Variants in LRRC4C observed in about 807,000 individuals in gnomAD.
The protein encoded by LRRC4C is leucine-rich repeat-containing protein 4C.
LRRC4C carries 5 observed loss-of-function variants against 33.6 expected under a neutral mutation model. The observed-to-expected ratio is 0.15, with a 90% CI of 0.08 to 0.31. The LOEUF is 0.31. Ranked by LOEUF, LRRC4C falls within the 10% of genes least tolerant of loss-of-function variation. The pLI, the probability that LRRC4C is intolerant of heterozygous loss-of-function variation, is 1.00. For missense variants in LRRC4C, 560 were observed against 796.7 expected (o/e 0.70, Z 3.58); for synonymous variants, 329 against 302.0 (o/e 1.09, Z -0.93).
chr11:41,334,719 T>G (rs1336873993), intron 1 of LRRC4C, among the ~76,000 whole-genome samples: 3 of 152,084 alleles, frequency 2.0e-5, no homozygotes, highest in Non-Finnish European at 2.9e-5. Context: ...GGTGTGATGG[T>G]GCATTCCTGC....
At chr11:40,984,363 A>AGAAG (rs1375965996) in intron 1 of LRRC4C, among the ~76,000 whole-genome samples, 488 of 120,398 alleles carry the variant, frequency 4.1e-3, no homozygotes, top group South Asian at 7.7e-3. Context: ...AAAGAAAGAA[A>AGAAG]AAAGAAAGAA....
intron 2 of LRRC4C, among the ~76,000 whole-genome samples, chr11:40,772,562 A>G (rs1949804503): frequency 6.6e-6 from 1 of 152,256 alleles, no homozygotes; most frequent in South Asian, 2.1e-4. Flanking sequence ...ACATTTCTGT[A>G]AAGAAGATAT....
intron 1 of LRRC4C, among the ~76,000 whole-genome samples, chr11:41,262,407 T>TAA (rs71063907): frequency 0.25 from 35,442 of 144,022 alleles, 5,384 homozygotes; most frequent in African/African-American, 0.44. Context: ...AACAGTTGAT[T>TAA]AAAAAAAAAA....
intron 2 of LRRC4C, among the ~76,000 whole-genome samples, chr11:40,879,794 T>C (rs1422908582): frequency 6.6e-6 from 1 of 152,152 alleles, no homozygotes; most frequent in Non-Finnish European, 1.5e-5. Context: ...GATCAGAAGA[T>C]ACATTATGTG....
chr11:41,438,679 G>T (rs1358667888), intron 1 of LRRC4C, among the ~76,000 whole-genome samples: 1 of 152,110 alleles, frequency 6.6e-6, no homozygotes, highest in African/African-American at 2.4e-5. Flanking sequence ...ACCACTGAAG[G>T]TCTTAATTTT....
intron 3 of LRRC4C, among the ~76,000 whole-genome samples, chr11:40,615,265 T>TATAAATATATATATATAC (rs1490740198): frequency 1.9e-5 from 1 of 53,438 alleles, no homozygotes; most frequent in African/African-American, 3.8e-5. Context: ...TATATATATA[T>TATAAATATATATATATAC]ACACACACAC....
intron 1 of LRRC4C, among the ~76,000 whole-genome samples, chr11:41,443,132 A>C (rs1955707236): frequency 1.6e-5 from 2 of 128,562 alleles, no homozygotes; most frequent in South Asian, 5.1e-4. Context: ...GTGCAAATCC[A>C]ACCTCATCAT....
At chr11:40,982,454 T>C (rs1008075701) in intron 1 of LRRC4C, among the ~76,000 whole-genome samples, 2 of 152,120 alleles carry the variant, frequency 1.3e-5, no homozygotes, top group African/African-American at 4.8e-5. Context: ...AACAAACACA[T>C]TGCATAGTAT....
chr11:40,731,366 C>G lies in LRRC4C; in HGVS notation c.-406-83088G>C, dbSNP rs187114006. On this transcript the variant is annotated intron_variant, in intron 2 of 6. Transcript: ENST00000528697. ...AAGTGTGAGGCACCTCCTCTCCCCA[C>G]CGCCCCTTGCTCCTGCTCTGGCCAT... is the stretch of plus-strand genomic sequence containing the variant. Among the ~76,000 whole-genome samples, 19 of 152,066 alleles carry G rather than the reference C, an allele frequency of 1.2e-4. No individual in the cohort carries two copies. In the East Asian group the frequency reaches 3.7e-3, roughly 30 times the overall value.
At chr11:40,791,789 G>A (rs367635978) in intron 2 of LRRC4C, among the ~76,000 whole-genome samples, 7 of 152,302 alleles carry the variant, frequency 4.6e-5, no homozygotes, top group African/African-American at 1.4e-4. Flanking sequence ...TCTGGACAGA[G>A]AATGGATCAG....
Position 40,730,113 on chromosome 11 carries a change from G to A in LRRC4C, c.-406-81835C>T, listed in dbSNP as rs76991196. Among the ~76,000 whole-genome samples the A allele has an allele frequency of 2.8e-3, 427 of 152,058 alleles. 4 individuals carry two copies. Among genetic ancestry groups the A allele is most frequent in the African/African-American group, 9.6e-3 (399 of 41,468 alleles). ...CACTCTGGGGACTGTTGTGGGGTTG[G>A]GGGGGGCAGGGATAGCATTGGGAGA... On this transcript the variant is annotated intron_variant, in intron 2 of 6. Coordinates refer to ENST00000528697, the MANE Select transcript of LRRC4C (RefSeq NM_001258419.2).
chr11:40,763,111 G>GTATATATATATATT (rs1394752050), intron 2 of LRRC4C, among the ~76,000 whole-genome samples: 1 of 36,500 alleles, frequency 2.7e-5, no homozygotes, highest in East Asian at 5.1e-4. Flanking sequence ...ATATATTTAT[G>GTATATATATATATT]TATGTGTGTG....
intron 1 of LRRC4C, among the ~76,000 whole-genome samples, chr11:41,237,341 G>T (rs886235527): frequency 6.6e-6 from 1 of 152,068 alleles, no homozygotes; most frequent in African/African-American, 2.4e-5. Context: ...TAATGCCCAG[G>T]TATAGGATAC....
At chr11:41,286,064 C>T (rs954592095) in intron 1 of LRRC4C, among the ~76,000 whole-genome samples, 3 of 152,006 alleles carry the variant, frequency 2.0e-5, no homozygotes, top group African/African-American at 4.8e-5. Flanking sequence ...CTCCTGACCT[C>T]GTGATTCACC....
At chr11:40,707,378 C>T (rs1020035475) in intron 2 of LRRC4C, among the ~76,000 whole-genome samples, 1 of 152,094 alleles carries the variant, frequency 6.6e-6, no homozygotes, top group East Asian at 1.9e-4. Flanking sequence ...TTTTGAGATA[C>T]GTTCCATCAA....
At chr11:41,018,125 A>C (rs1185617066) in intron 1 of LRRC4C, among the ~76,000 whole-genome samples, 1 of 152,176 alleles carries the variant, frequency 6.6e-6, no homozygotes, top group Non-Finnish European at 1.5e-5. Flanking sequence ...TCCCATTAAG[A>C]CTGCAAATTT....
intron 2 of LRRC4C, among the ~76,000 whole-genome samples, chr11:40,846,735 A>G (rs1953194163): frequency 6.6e-6 from 1 of 152,176 alleles, no homozygotes; most frequent in South Asian, 2.1e-4. Context: ...TTGAATCTAT[A>G]AATTACTTTG....
intron 1 of LRRC4C, among the ~76,000 whole-genome samples, chr11:41,279,153 G>A (rs987942427): frequency 1.3e-5 from 2 of 152,016 alleles, no homozygotes; most frequent in African/African-American, 4.8e-5. Flanking sequence ...TCTTTTATGT[G>A]GCTGTGTCAT....
At chr11:40,711,668 G>C (rs1946471220) in intron 2 of LRRC4C, among the ~76,000 whole-genome samples, 1 of 144,110 alleles carries the variant, frequency 6.9e-6, no homozygotes, top group African/African-American at 2.6e-5. Flanking sequence ...CCTGAATAAA[G>C]AACCAGAGAA....
Sources: allele counts gnomAD v4.1 joint callset (sites outside exome capture counted in the v4.1 genomes callset), GRCh38; gene constraint gnomAD v4.1.1; transcripts MANE v1.5; gene names NCBI Gene and HGNC (gene_info 2026-07-23, HGNC 2026-07-21).